Variants in PABPC4L observed in about 807,000 individuals in gnomAD.
The protein encoded by PABPC4L is polyadenylate-binding protein 4-like.
For synonymous variants in PABPC4L, 169 were observed against 164.1 expected (o/e 1.03, Z -0.23); for missense variants, 452 against 451.4 (o/e 1.00, Z -0.01).
At chr4:134,073,477 T>C in the PABPC4L span, among the ~76,000 whole-genome samples, 4 of 152,114 alleles carry the variant, frequency 2.6e-5, no homozygotes, top group East Asian at 7.8e-4. Context: ...CGGGCTGGTG[T>C]TGTGTCTGAG....
At chr4:134,192,818 A>C (rs1338280253), downstream of PABPC4L, among the ~76,000 whole-genome samples, 1 of 152,150 alleles carries the variant, frequency 6.6e-6, no homozygotes, top group Non-Finnish European at 1.5e-5. Context: ...AATCAAGATT[A>C]ATCTTTAGAA....
the PABPC4L span, among the ~76,000 whole-genome samples, chr4:134,185,011 A>T: frequency 1.3e-5 from 2 of 152,070 alleles, no homozygotes; most frequent in Non-Finnish European, 2.9e-5. Context: ...TTTTTAAATC[A>T]GGTAATTCAC....
chr4:134,047,811 G>GTTTTTTTT, the PABPC4L span, among the ~76,000 whole-genome samples: 3 of 147,370 alleles, frequency 2.0e-5, no homozygotes. Flanking sequence ...CTGCACCAGG[G>GTTTTTTTT]TTTTTTTTTT....
chr4:134,082,948 A>C, the PABPC4L span, among the ~76,000 whole-genome samples: 2 of 152,130 alleles, frequency 1.3e-5, no homozygotes, highest in Non-Finnish European at 2.9e-5. Flanking sequence ...ATAACTTTGG[A>C]AGCCCTTCTC....
the PABPC4L span, among the ~76,000 whole-genome samples, chr4:133,978,548 G>A: frequency 3.4e-5 from 5 of 148,506 alleles, no homozygotes; most frequent in African/African-American, 1.0e-4. Flanking sequence ...CCCGGGAGGT[G>A]GAGGCTGTGT....
the PABPC4L span, among the ~76,000 whole-genome samples, chr4:134,030,762 GA>G: frequency 2.0e-5 from 3 of 151,856 alleles, no homozygotes; most frequent in Non-Finnish European, 4.4e-5. Context: ...TATGCCCTAA[GA>G]ATAAAAAACT....
At chr4:134,076,310 T>A in the PABPC4L span, among the ~76,000 whole-genome samples, 2 of 152,168 alleles carry the variant, frequency 1.3e-5, no homozygotes, top group South Asian at 4.1e-4. Flanking sequence ...TAGATTTTTA[T>A]TAACACTAAA....
chr4:134,119,298 A>T, the PABPC4L span, among the ~76,000 whole-genome samples: 1 of 151,780 alleles, frequency 6.6e-6, no homozygotes. Context: ...CTACATTTAA[A>T]ACATGTTTTC....
chr4:134,096,196 T>C, the PABPC4L span, among the ~76,000 whole-genome samples: 6 of 151,888 alleles, frequency 4.0e-5, no homozygotes, highest in Admixed American at 2.0e-4. Flanking sequence ...GCAAAGAAAA[T>C]GGAATAGTTT....
At chr4:133,971,184 C>T in the PABPC4L span, among the ~76,000 whole-genome samples, 1 of 137,382 alleles carries the variant, frequency 7.3e-6, no homozygotes, top group Non-Finnish European at 1.5e-5. Context: ...ACAATCTCGG[C>T]TCACTGCAAG....
chr4:134,025,878 A>G, the PABPC4L span, among the ~76,000 whole-genome samples: 1 of 152,116 alleles, frequency 6.6e-6, no homozygotes, highest in South Asian at 2.1e-4. Context: ...TAATTTTTTT[A>G]CCAGCATTTG....
chr4:133,981,033 C>G, the PABPC4L span, among the ~76,000 whole-genome samples: 1 of 152,072 alleles, frequency 6.6e-6, no homozygotes, highest in Non-Finnish European at 1.5e-5. Context: ...TAGTGGCACA[C>G]GCCTGTAATT....
At chr4:134,171,210 G>A in the PABPC4L span, among the ~76,000 whole-genome samples, 1 of 152,034 alleles carries the variant, frequency 6.6e-6, no homozygotes, top group African/African-American at 2.4e-5. Flanking sequence ...CCACCTCCCA[G>A]GTTCAAGCAA....
chr4:134,019,786 T>C, the PABPC4L span, among the ~76,000 whole-genome samples: 16 of 152,140 alleles, frequency 1.1e-4, no homozygotes. Flanking sequence ...TTCAGATCTT[T>C]AGGAGGTTCC....
chr4:134,154,881 G>C, the PABPC4L span, among the ~76,000 whole-genome samples: 1 of 151,748 alleles, frequency 6.6e-6, no homozygotes, highest in Non-Finnish European at 1.5e-5. Context: ...AAAAGAAGTT[G>C]GTAGATTACA....
chr4:134,024,099 C>A, the PABPC4L span, among the ~76,000 whole-genome samples: 1 of 152,066 alleles, frequency 6.6e-6, no homozygotes, highest in Admixed American at 6.6e-5. Context: ...GTCTACTAAC[C>A]AATAGTGAAT....
At chr4:134,155,427 C>CACACACACACAT in the PABPC4L span, among the ~76,000 whole-genome samples, 3 of 151,686 alleles carry the variant, frequency 2.0e-5, no homozygotes, top group African/African-American at 7.3e-5. Context: ...CACACACACA[C>CACACACACACAT]ACACACACAG....
At chr4:134,016,974 G>T in the PABPC4L span, among the ~76,000 whole-genome samples, 1 of 152,080 alleles carries the variant, frequency 6.6e-6, no homozygotes, top group Non-Finnish European at 1.5e-5. Context: ...CACTGGATAG[G>T]TAGAGGCCTT....
At chr4:133,989,106 A>C in the PABPC4L span, among the ~76,000 whole-genome samples, 4 of 151,684 alleles carry the variant, frequency 2.6e-5, no homozygotes, top group East Asian at 7.8e-4. Context: ...CCATGAAAGC[A>C]TTTTTTTTCC....
Sources: allele counts gnomAD v4.1 joint callset (sites outside exome capture counted in the v4.1 genomes callset), GRCh38; gene constraint gnomAD v4.1.1; transcripts MANE v1.5; gene names NCBI Gene and HGNC (gene_info 2026-07-23, HGNC 2026-07-21).